The following LNX1 variants were observed in gnomAD, a reference collection of about 807,000 sequenced individuals.
LNX1 encodes E3 ubiquitin-protein ligase LNX.
LNX1 carries 54 observed loss-of-function variants against 68.4 expected under a neutral mutation model. The observed-to-expected ratio is 0.79, with a 90% confidence interval of 0.63 to 0.99. The LOEUF (loss-of-function observed/expected upper bound fraction) is 0.99. Ranked by LOEUF, LNX1 falls within the 50% of genes least tolerant of loss-of-function variation. The pLI is 0.00. For synonymous variants in LNX1, 336 were observed against 350.0 expected (o/e 0.96, Z 0.45); for missense variants, 906 against 926.4 (o/e 0.98, Z 0.29).
chr4:53,494,798 C>T (rs1724933816), intron 6 of LNX1, among the ~76,000 whole-genome samples: 1 of 152,110 alleles, frequency 6.6e-6, no homozygotes, highest in African/African-American at 2.4e-5. Context: ...ACATAAGAGC[C>T]CAGAACAAAG....
At chr4:53,518,604 G>A (rs924970749) in intron 2 of LNX1, among the ~76,000 whole-genome samples, 9 of 152,112 alleles carry the variant, frequency 5.9e-5, no homozygotes, top group African/African-American at 2.2e-4. Flanking sequence ...TCATCCCTAT[G>A]AGGAGGGTCC....
chr4:53,499,282 C>T (rs1034063441), intron 4 of LNX1, among the ~76,000 whole-genome samples: 5 of 152,138 alleles, frequency 3.3e-5, no homozygotes, highest in African/African-American at 9.7e-5. Context: ...CCTCAGCCTC[C>T]CAAGTAGCTA....
chr4:53,478,462 T>C, intron 8 of LNX1, 103 bp downstream of exon 8: 1 of 1,042,786 alleles, frequency 9.6e-7, no homozygotes, highest in South Asian at 1.7e-5. Flanking sequence ...GGCCGATCAC[T>C]CCCACATTCT....
intron 2 of LNX1, among the ~76,000 whole-genome samples, chr4:53,551,071 C>T (rs1402255132): frequency 1.3e-5 from 2 of 152,064 alleles, no homozygotes; most frequent in Non-Finnish European, 2.9e-5. Context: ...GTCAGTTAAC[C>T]TAGGAGGCGG....
chr4:53,506,388 G>A (rs1376934758), intron 4 of LNX1, among the ~76,000 whole-genome samples: 1 of 152,044 alleles, frequency 6.6e-6, no homozygotes, highest in African/African-American at 2.4e-5. Context: ...AAAGACAGTA[G>A]GACAGTATTT....
At chr4:53,567,755 T>A (rs1217594337) in intron 2 of LNX1, among the ~76,000 whole-genome samples, 1 of 151,578 alleles carries the variant, frequency 6.6e-6, no homozygotes, top group Non-Finnish European at 1.5e-5. Flanking sequence ...CTAACAAGAC[T>A]AATAAAGAAA....
chr4:53,647,116 C>T (rs1734916000), intron 1 of LNX1, among the ~76,000 whole-genome samples: 1 of 152,220 alleles, frequency 6.6e-6, no homozygotes, highest in African/African-American at 2.4e-5. Flanking sequence ...AGGCTGTGAC[C>T]TCTAATTCAC....
At chr4:53,502,025 G>A (rs1266266124) in intron 4 of LNX1, 2 of 152,072 alleles carry the variant, frequency 1.3e-5, no homozygotes, top group African/African-American at 4.8e-5. Context: ...ATAATAATCA[G>A]GACACACTAT....
chr4:53,508,317 A>G, intron 2 of LNX1, 90 bp from the exon 3 acceptor site: 7 of 1,486,452 alleles, frequency 4.7e-6, no homozygotes, highest in East Asian at 2.3e-5. Flanking sequence ...TGAAGAATGT[A>G]TAATAGGCTT....
Position 53,566,116 on chromosome 4 carries a change from G to A in LNX1, c.380+7507C>T, listed in dbSNP as rs1442877216. Among the ~76,000 whole-genome samples the A allele has an allele frequency of 6.6e-5, 10 of 152,038 alleles. No individual in the cohort carries two copies. In the East Asian group the frequency reaches 1.2e-3, roughly 18 times the overall value. On this transcript the variant is annotated intron_variant, in intron 2 of 10. Coordinates refer to ENST00000263925, the MANE Select transcript of LNX1 (RefSeq NM_001126328.3). ...AGAACTTCCCCAATCTAGCAAGGCA[G>A]GCCAACGTTCAGATTCAGGAAATAC...
intron 1 of LNX1, among the ~76,000 whole-genome samples, chr4:53,576,952 G>T (rs1257180906): frequency 2.0e-5 from 3 of 152,254 alleles, no homozygotes; most frequent in Non-Finnish European, 4.4e-5. Context: ...TGCCTGAGAG[G>T]ACACTCTAGT....
intron 1 of LNX1, among the ~76,000 whole-genome samples, chr4:53,641,833 T>C (rs1043601533): frequency 6.6e-6 from 1 of 152,246 alleles, no homozygotes; most frequent in Non-Finnish European, 1.5e-5. Flanking sequence ...TTTCAGGATT[T>C]ATTCATATTG....
chr4:53,512,184 C>T (rs9992650), intron 2 of LNX1, among the ~76,000 whole-genome samples: 17,213 of 151,914 alleles, frequency 0.11, 1,053 homozygotes, highest in East Asian at 0.14. Context: ...GGCTGCTCCA[C>T]CCTTCCCTGT....
chr4:53,643,455 C>T (rs1030437838), intron 1 of LNX1, among the ~76,000 whole-genome samples: 4 of 151,980 alleles, frequency 2.6e-5, no homozygotes, highest in South Asian at 2.1e-4. Flanking sequence ...GGTCAAGAAA[C>T]CTTGGTCTTT....
intron 1 of LNX1, chr4:53,576,244 A>T: frequency 6.2e-7 from 1 of 1,608,878 alleles, no homozygotes; most frequent in South Asian, 1.1e-5. Flanking sequence ...GAGGGTCCTG[A>T]TGCAGCTGAA....
intron 2 of LNX1, among the ~76,000 whole-genome samples, chr4:53,554,488 A>G (rs1729750838): frequency 6.6e-6 from 1 of 152,264 alleles, no homozygotes; most frequent in South Asian, 2.1e-4. Flanking sequence ...TTCAGGCATT[A>G]TATATTCATT....
At chr4:53,502,797 TGTC>T (rs1441996926) in intron 4 of LNX1, among the ~76,000 whole-genome samples, 1 of 152,246 alleles carries the variant, frequency 6.6e-6, no homozygotes, top group Non-Finnish European at 1.5e-5. Context: ...AATCCTTTGT[TGTC>T]GTTTCAACAA....
intron 2 of LNX1, among the ~76,000 whole-genome samples, chr4:53,556,359 C>T (rs768227161): frequency 6.6e-6 from 1 of 152,146 alleles, no homozygotes; most frequent in Non-Finnish European, 1.5e-5. Flanking sequence ...CACCTTGATT[C>T]CAAGCTTCTG....
chr4:53,600,155 C>T (rs116365567), intron 2 of LNX1, among the ~76,000 whole-genome samples: 3,059 of 152,254 alleles, frequency 0.02, 36 homozygotes, highest in Non-Finnish European at 0.028. Context: ...TTACTATTTT[C>T]CTCACATCAA....
Sources: allele counts gnomAD v4.1 joint callset (sites outside exome capture counted in the v4.1 genomes callset), GRCh38; gene constraint gnomAD v4.1.1; transcripts MANE v1.5; gene names NCBI Gene and HGNC (gene_info 2026-07-23, HGNC 2026-07-21).